The following MAST1 variants were observed in gnomAD, a reference collection of about 807,000 sequenced individuals.
The protein encoded by MAST1 is microtubule-associated serine/threonine-protein kinase 1.
A neutral mutation model predicts 124.6 loss-of-function variants in MAST1; 40 were observed. The observed-to-expected ratio is 0.32, with a 90% CI of 0.25 to 0.42. MAST1 has a LOEUF of 0.42. MAST1 is among the 10% of genes least tolerant of loss of function. The probability of loss-of-function intolerance (pLI) is 1.00; values close to 1 mark genes in which losing one functional copy is unlikely to be tolerated. For synonymous variants in MAST1, 938 were observed against 939.4 expected, an observed-to-expected ratio of 1.00 and a Z score of 0.03; for missense variants, 1,558 against 2,181.9, an observed-to-expected ratio of 0.71 and a Z score of 5.70.
rs369179397 is a variant in MAST1, at chr19:12,843,657, C to G, written c.327+50C>G. The G allele has an allele frequency of 1.3e-6, 2 of 1,548,416 alleles. No homozygotes were observed. The highest frequency in any genetic ancestry group is 2.3e-5 in the East Asian group (1 of 44,034). ...GGCCGGTGGGTAAGGAATTCAGGGGCCCTCCAGCCTGAAGACCCACACCCA... is the reference window on the plus strand; with the variant it reads ...GGCCGGTGGGTAAGGAATTCAGGGGGCCTCCAGCCTGAAGACCCACACCCA... On this transcript the variant is annotated intron_variant, in intron 4 of 25. Transcript: ENST00000251472. The surrounding 1 kb of genome is among the most constrained non-coding windows in gnomAD (Gnocchi z 4.9).
In MAST1 at chr19:12,841,512, A is replaced by C. The variant is rs1445200677; in HGVS notation, c.248+446A>C. Among the ~76,000 whole-genome samples, 1 of 152,186 alleles carries C rather than the reference A, an allele frequency of 6.6e-6. No homozygotes were observed. Among genetic ancestry groups the C allele is most frequent in the East Asian group, 1.9e-4 (1 of 5,194 alleles). ...GGGAGGAATCTCAGGTTTCTTTCCA[A>C]GGGTCTCTTAGGGTTTCTGGGGTGT... On this transcript the variant is annotated intron_variant, in intron 3 of 25. Coordinates refer to ENST00000251472, the MANE Select transcript of MAST1 (RefSeq NM_014975.3). The surrounding 1 kb of genome is among the most constrained non-coding windows in gnomAD (Gnocchi z 4.3).
At chr19:12,869,044 G>T in intron 21 of MAST1, 22 bp from the exon 22 acceptor site, 2 of 1,609,998 alleles carry the variant, frequency 1.2e-6, no homozygotes, top group South Asian at 2.2e-5. Flanking sequence ...TCTGATTTCT[G>T]ACCATGGTTG....
rs762846792 is a variant in MAST1, at chr19:12,851,903, G to A, written c.775-31G>A. ...GGCCGGGCTGAGGCAGAGTGCCTAT[G>A]AGCCCTGTCCCTCTGTGTCCCCTGC... On this transcript the variant is annotated intron_variant, in intron 7 of 25. Coordinates refer to ENST00000251472, the MANE Select transcript of MAST1 (RefSeq NM_014975.3). The A allele has an allele frequency of 7.0e-6, 11 of 1,567,194 alleles. No homozygotes were observed. The Admixed American group carries it at 8.7e-5, about 12-fold the overall frequency.
chr19:12,856,896 A>T (rs1270533272), intron 10 of MAST1, among the ~76,000 whole-genome samples: 1 of 152,210 alleles, frequency 6.6e-6, no homozygotes, highest in African/African-American at 2.4e-5. Context: ...GTCAAAGGGA[A>T]CATGTATTTG....
rs1219927144 is a variant in MAST1, at chr19:12,845,652, A to ATT, written c.328-1618_328-1617dup. On this transcript the variant is annotated intron_variant, in intron 4 of 25. Transcript: ENST00000251472. ...AGTGGCTCATGCCTGTGACCCAGCA[A>ATT]TTTTTTTTTTTTTTTTTTTTTGAGA... is the stretch of plus-strand genomic sequence containing the variant. Among the ~76,000 whole-genome samples the ATT allele has an allele frequency of 2.1e-3, 271 of 130,270 alleles. 3 individuals are homozygous for ATT. The highest frequency in any genetic ancestry group is 7.5e-3 in the African/African-American group (241 of 32,234). The allele number at this position is 130,270 out of a possible 152,430, so 85.5% of individuals were successfully genotyped here.
chr19:12,841,614 C>T lies in MAST1; in HGVS notation c.248+548C>T, dbSNP rs898281242. Among the ~76,000 whole-genome samples, 1 of 152,118 alleles carries T rather than the reference C, an allele frequency of 6.6e-6. No homozygotes were observed. The highest frequency in any genetic ancestry group is 2.4e-5 in the African/African-American group (1 of 41,424). On this transcript the variant is annotated intron_variant, in intron 3 of 25. Coordinates refer to ENST00000251472, the MANE Select transcript of MAST1 (RefSeq NM_014975.3). This position sits in a 1 kb window ranked among gnomAD's most constrained non-coding sequence, Gnocchi z 4.3. ...GTTTCTCTGATGTTTTCTGGAGAAA[C>T]GTTTCTGGGAGTTTGGGCCTGTCTC...
chr19:12,869,730 C>G (rs1172507889), intron 22 of MAST1, among the ~76,000 whole-genome samples: 1 of 151,800 alleles, frequency 6.6e-6, no homozygotes, highest in African/African-American at 2.4e-5. Context: ...GCCACGGTGC[C>G]TGGCCGAGAC....
At chr19:12,861,437 C>G (rs758671267) in intron 12 of MAST1, among the ~76,000 whole-genome samples, 1 of 152,116 alleles carries the variant, frequency 6.6e-6, no homozygotes, top group Non-Finnish European at 1.5e-5. Flanking sequence ...GGGAGCTTCT[C>G]AGAGGCCTGG....
chr19:12,847,336 C>A lies in MAST1; in HGVS notation c.374C>A (p.Pro125His), dbSNP rs1186792291. Reference sequence around the variant, plus strand: ...CGCCTTCACCAGCTGCCCTACCAGCCCACGGTGGACGAGCTCCACTTCCTC... The same window carrying A: ...CGCCTTCACCAGCTGCCCTACCAGCACACGGTGGACGAGCTCCACTTCCTC... Reference protein sequence around the residue: ...QERLHQLPYQPTVDELHFLSK... With the variant: ...QERLHQLPYQHTVDELHFLSK... The change falls in exon 5 of 26, where the codon CCC (proline) becomes CAC (histidine). Residue 125 changes from proline to histidine, a missense_variant. Coordinates refer to ENST00000251472, the MANE Select transcript of MAST1 (RefSeq NM_014975.3). This position sits in a 1 kb window ranked among gnomAD's most constrained non-coding sequence, Gnocchi z 5.5. 1 of 1,613,832 alleles carries A rather than the reference C, an allele frequency of 6.2e-7. No homozygotes were observed. Among genetic ancestry groups the A allele is most frequent in the African/African-American group, 1.3e-5 (1 of 74,896 alleles).
chr19:12,848,345 C>A lies in MAST1; in HGVS notation c.774+288C>A, dbSNP rs1969922047. 4 of 376,524 alleles carry A rather than the reference C, an allele frequency of 1.1e-5. No homozygotes were observed. The East Asian group carries it at 1.9e-4, about 18-fold the overall frequency. The allele number at this position is 376,524 out of a possible 1,614,324, so 23.3% of individuals were successfully genotyped here. On this transcript the variant is annotated intron_variant, in intron 7 of 25. Coordinates refer to ENST00000251472, the MANE Select transcript of MAST1 (RefSeq NM_014975.3). ...ATTTAAAATATTAAACTCGGCCGGG[C>A]TCGGTGGCTCAGGCCTGTAATCCCA... is the stretch of plus-strand genomic sequence containing the variant.
At chr19:12,861,264 A>G (rs748434536) in intron 12 of MAST1, among the ~76,000 whole-genome samples, 11 of 151,860 alleles carry the variant, frequency 7.2e-5, no homozygotes, top group Non-Finnish European at 1.6e-4. Context: ...GGGTTTCACC[A>G]GGTTGGCCAG....
chr19:12,871,487 G>GT, intron 24 of MAST1, among the ~76,000 whole-genome samples: 1 of 152,192 alleles, frequency 6.6e-6, no homozygotes, highest in East Asian at 1.9e-4. Context: ...CTCGCCTGCA[G>GT]TCCCAGCTAC....
chr19:12,847,776 T>C lies in MAST1; in HGVS notation c.565-72T>C. Reference sequence around the variant, plus strand: ...CCCGCGCGCCCCCTGGCGGCCTCGGTGCGCAGCGCAGGCTCCTGGCGGCCG... The same window carrying C: ...CCCGCGCGCCCCCTGGCGGCCTCGGCGCGCAGCGCAGGCTCCTGGCGGCCG... On this transcript the variant is annotated intron_variant, in intron 6 of 25. Transcript: ENST00000251472. This position sits in a 1 kb window ranked among gnomAD's most constrained non-coding sequence, Gnocchi z 5.5. The C allele has an allele frequency of 6.3e-7, 1 of 1,582,624 alleles. No homozygotes were observed. Among genetic ancestry groups the C allele is most frequent in the Non-Finnish European group, 8.6e-7 (1 of 1,161,092 alleles).
chr19:12,859,192 G>A (rs1970051115), intron 12 of MAST1, among the ~76,000 whole-genome samples: 1 of 152,076 alleles, frequency 6.6e-6, no homozygotes, highest in South Asian at 2.1e-4. Flanking sequence ...CGATTCTTAT[G>A]CCTCAGCCTC....
chr19:12,849,906 T>C (rs1568408969), intron 7 of MAST1, among the ~76,000 whole-genome samples: 1 of 152,006 alleles, frequency 6.6e-6, no homozygotes, highest in African/African-American at 2.4e-5. Context: ...CAAGCCATTC[T>C]CCTGCCTCAG....
chr19:12,871,242 G>C (rs554646779), intron 24 of MAST1, 70 bp downstream of exon 24: 2 of 1,593,914 alleles, frequency 1.3e-6, no homozygotes, highest in African/African-American at 1.3e-5. Flanking sequence ...GCACAGATGA[G>C]GATGGAGAAG....
Position 12,838,671 on chromosome 19 carries a change from C to A in MAST1, c.83+16C>A. ...GCACCAAGAGGTAGACCCCCGATCC[C>A]CTAGACATTGTCCCGGCCCTCCCCG... is the stretch of plus-strand genomic sequence containing the variant. On this transcript the variant is annotated intron_variant, in intron 1 of 25. Coordinates refer to ENST00000251472, the MANE Select transcript of MAST1 (RefSeq NM_014975.3). The surrounding 1 kb of genome is among the most constrained non-coding windows in gnomAD (Gnocchi z 4.3). The A allele has an allele frequency of 6.2e-7, 1 of 1,606,662 alleles. No homozygotes were observed.
At chr19:12,839,549 C>A (rs1021131065) in intron 1 of MAST1, among the ~76,000 whole-genome samples, 1 of 152,202 alleles carries the variant, frequency 6.6e-6, no homozygotes, top group Non-Finnish European at 1.5e-5. Context: ...CGCAAAATCA[C>A]ATGTTATCAC....
Position 12,874,182 on chromosome 19 carries a change from C to T in MAST1, c.4025C>T (p.Ala1342Val). Residue 1342 changes from alanine (A) to valine (V), a missense_variant, in exon 26 of 26, where the codon GCG becomes GTG. Transcript: ENST00000251472. This position sits in a 1 kb window ranked among gnomAD's most constrained non-coding sequence, Gnocchi z 6.6. ...CAGGAGTCACCTTTGAGCCTGGGCG[C>T]GGACCCGTTGCTGCCCGAGGGTGCC... ...GRQESPLSLG[A>V]DPLLPEGASR... 1 of 1,542,224 alleles carries T rather than the reference C, an allele frequency of 6.5e-7. No homozygotes were observed.
Sources: allele counts gnomAD v4.1 joint callset (sites outside exome capture counted in the v4.1 genomes callset), GRCh38; gene constraint gnomAD v4.1.1; non-coding constraint Gnocchi (gnomAD v3.1); transcripts MANE v1.5; gene names NCBI Gene and HGNC (gene_info 2026-07-23, HGNC 2026-07-21).